The following RPS6KA1 variants were observed in gnomAD, a reference collection of about 807,000 sequenced individuals.
The protein encoded by RPS6KA1 is ribosomal protein S6 kinase alpha-1.
RPS6KA1 carries 48 observed loss-of-function variants against 91.3 expected under a neutral mutation model. The observed-to-expected ratio is 0.53, with a 90% confidence interval of 0.42 to 0.67. RPS6KA1 has a LOEUF of 0.67. Among genes scored for constraint, RPS6KA1 ranks in the 30% least tolerant of loss-of-function variants. The pLI, the probability that RPS6KA1 is intolerant of heterozygous loss-of-function variation, is 0.00. For missense variants in RPS6KA1, 719 were observed against 960.5 expected, an observed-to-expected ratio of 0.75 and a Z score of 3.32; for synonymous variants, 359 against 384.7, an observed-to-expected ratio of 0.93 and a Z score of 0.78.
chr1:26,553,556 G>A, intron 7 of RPS6KA1, 59 bp downstream of exon 7: 1 of 1,120,698 alleles, frequency 8.9e-7, no homozygotes, highest in South Asian at 1.3e-5. Flanking sequence ...TCTAGGACAG[G>A]GCCATCCTGA....
Position 26,574,597 on chromosome 1 carries a change from C to T in RPS6KA1, c.*396C>T, listed in dbSNP as rs1035122894. 6 of 396,548 alleles carry T rather than the reference C, an allele frequency of 1.5e-5. No homozygotes were observed. Among genetic ancestry groups the T allele is most frequent in the African/African-American group, 6.2e-5 (3 of 48,048 alleles). The allele number at this position is 396,548 out of a possible 1,614,324, so 24.6% of individuals were successfully genotyped here. On this transcript the variant is annotated 3_prime_UTR_variant, in exon 22 of 22. Transcript: ENST00000374168. This position sits in a 1 kb window ranked among gnomAD's most constrained non-coding sequence, Gnocchi z 4.3. ...TTTGGGATCCCACCCTGGGGACCCCCACGATTGGCCACCTGTAGCCATCTG... is the reference window on the plus strand; with the variant it reads ...TTTGGGATCCCACCCTGGGGACCCCTACGATTGGCCACCTGTAGCCATCTG...
rs1354937715 is a variant in RPS6KA1 at position 26,571,108 on chromosome 1, G to A, written c.1591-341G>A. On this transcript the variant is annotated intron_variant, in intron 17 of 21. Transcript: ENST00000374168. The surrounding 1 kb of genome is among the most constrained non-coding windows in gnomAD (Gnocchi z 5.1). Reference sequence around the variant, plus strand: ...CTGCACTCCAGCCTGGGTGACAGAGGAAGACTCCATCTCAAAAAAAAAAGA... The same window carrying A: ...CTGCACTCCAGCCTGGGTGACAGAGAAAGACTCCATCTCAAAAAAAAAAGA... The A allele has an allele frequency of 4.9e-6, 1 of 203,260 alleles. No homozygotes were observed. Among genetic ancestry groups the A allele is most frequent in the Non-Finnish European group, 1.0e-5 (1 of 98,776 alleles). The allele number at this position is 203,260 out of a possible 1,614,324, so 12.6% of individuals were successfully genotyped here.
At chr1:26,539,786 C>T (rs188590548) in intron 2 of RPS6KA1, among the ~76,000 whole-genome samples, 27 of 152,314 alleles carry the variant, frequency 1.8e-4, no homozygotes, top group Middle Eastern at 3.4e-3. Context: ...TAAGGCACAC[C>T]GGGGCTCCAT....
At position 26,555,896 on chromosome 1, in the gene RPS6KA1, C is replaced by T. The variant is rs1051844354; in HGVS notation, c.916+271C>T. On this transcript the variant is annotated intron_variant, in intron 11 of 21. Transcript: ENST00000374168. This position sits in a 1 kb window ranked among gnomAD's most constrained non-coding sequence, Gnocchi z 4.3. ...CCACACAGCTTCTCCGCCAAGGCTG[C>T]TGGCACAAGAGAAATAGCATGAGCT... Among the ~76,000 whole-genome samples the T allele has an allele frequency of 1.6e-4, 24 of 152,208 alleles. No homozygotes were observed. Among genetic ancestry groups the T allele is most frequent in the Non-Finnish European group, 3.1e-4 (21 of 68,036 alleles).
intron 2 of RPS6KA1, among the ~76,000 whole-genome samples, chr1:26,543,709 C>T (rs988171890): frequency 1.3e-5 from 2 of 152,170 alleles, no homozygotes; most frequent in African/African-American, 4.8e-5. Context: ...GACCTGCCCA[C>T]ACTTTCCTGG....
At chr1:26,541,005 G>A (rs2075942647) in intron 2 of RPS6KA1, among the ~76,000 whole-genome samples, 1 of 152,064 alleles carries the variant, frequency 6.6e-6, no homozygotes, top group Non-Finnish European at 1.5e-5. Flanking sequence ...GGTCAGGCTG[G>A]TCTCGAACTC....
At chr1:26,570,695 G>T (rs1042157539) in intron 17 of RPS6KA1, among the ~76,000 whole-genome samples, 1 of 152,216 alleles carries the variant, frequency 6.6e-6, no homozygotes, top group African/African-American at 2.4e-5. Context: ...TAAGTGCTGG[G>T]ATACAGCAGT....
chr1:26,530,655 T>G, intron 1 of RPS6KA1: 6 of 936,810 alleles, frequency 6.4e-6, no homozygotes, highest in Non-Finnish European at 8.5e-6. Context: ...TCCCTTCTTA[T>G]GCCCCTTCCG....
intron 17 of RPS6KA1, among the ~76,000 whole-genome samples, chr1:26,570,969 A>G (rs2076244164): frequency 6.6e-6 from 1 of 152,062 alleles, no homozygotes; most frequent in Non-Finnish European, 1.5e-5. Flanking sequence ...CTAAAAATAC[A>G]AAAATCAGCC....
At chr1:26,567,770 G>C (rs952002498) in intron 17 of RPS6KA1, among the ~76,000 whole-genome samples, 1 of 152,134 alleles carries the variant, frequency 6.6e-6, no homozygotes, top group Non-Finnish European at 1.5e-5. Context: ...GGGTTACTGT[G>C]ATGTCCATCA....
In RPS6KA1 at chr1:26,574,458, A is replaced by G. The variant is rs771012101; in HGVS notation, c.*257A>G. ...TTTTTTTATGAAAAAAATGGCATCAACCACCATGGATTTTTACAAGATCCA... is the reference window on the plus strand; with the variant it reads ...TTTTTTTATGAAAAAAATGGCATCAGCCACCATGGATTTTTACAAGATCCA... On this transcript the variant is annotated 3_prime_UTR_variant, in exon 22 of 22. Coordinates refer to ENST00000374168, the MANE Select transcript of RPS6KA1 (RefSeq NM_002953.4). This position sits in a 1 kb window ranked among gnomAD's most constrained non-coding sequence, Gnocchi z 4.3. The G allele has an allele frequency of 3.0e-6, 2 of 665,102 alleles. No homozygotes were observed. 41.2% of individuals were successfully genotyped at this position (665,102 alleles called of 1,614,324 possible). A position where few individuals can be genotyped will look rare whatever the true frequency, so the allele number is the denominator to read the frequency against.
At chr1:26,546,107 A>C in intron 2 of RPS6KA1, 1 of 1,543,872 alleles carries the variant, frequency 6.5e-7, no homozygotes, top group Non-Finnish European at 8.8e-7. Context: ...AGCCAGCTTA[A>C]CATAAGCTGG....
At chr1:26,562,622 A>G (rs1267709997) in intron 17 of RPS6KA1, among the ~76,000 whole-genome samples, 6 of 152,176 alleles carry the variant, frequency 3.9e-5, no homozygotes, top group Non-Finnish European at 8.8e-5. Flanking sequence ...AGGAAAGTTC[A>G]TTACAGTGGA....
chr1:26,549,504 GGTTGCAGT>G (rs1312399509), intron 4 of RPS6KA1, among the ~76,000 whole-genome samples: 3 of 151,810 alleles, frequency 2.0e-5, no homozygotes, highest in African/African-American at 7.3e-5. Context: ...GGGAGGCAAA[GGTTGCAGT>G]GAGCCAAGAT....
At chr1:26,531,495 A>C (rs1570414368) in intron 1 of RPS6KA1, 1 of 152,294 alleles carries the variant, frequency 6.6e-6, no homozygotes, top group South Asian at 2.1e-4. Context: ...GTGGACACCC[A>C]GGAGCTCGAT....
At position 26,574,695 on chromosome 1, in the gene RPS6KA1, C is replaced by T; in HGVS notation, c.*494C>T. 2.9e-6 allele frequency: 1 copy of T among 342,524 alleles called. No homozygotes were observed. Among genetic ancestry groups the T allele is most frequent in the South Asian group, 2.2e-5 (1 of 44,938 alleles). The allele number at this position is 342,524 out of a possible 1,614,324, so 21.2% of individuals were successfully genotyped here. A position where few individuals can be genotyped will look rare whatever the true frequency, so the allele number is the denominator to read the frequency against. ...CTGTTTAGCAGAACTCATTCTATCCCCAATCAGCTCCTTTTCCGTTCTGTT... is the reference window on the plus strand; with the variant it reads ...CTGTTTAGCAGAACTCATTCTATCCTCAATCAGCTCCTTTTCCGTTCTGTT... On this transcript the variant is annotated 3_prime_UTR_variant, in exon 22 of 22. Coordinates refer to ENST00000374168, the MANE Select transcript of RPS6KA1 (RefSeq NM_002953.4). The surrounding 1 kb of genome is among the most constrained non-coding windows in gnomAD (Gnocchi z 4.3).
At chr1:26,560,280 G>A (rs1184532547) in intron 14 of RPS6KA1, among the ~76,000 whole-genome samples, 1 of 152,178 alleles carries the variant, frequency 6.6e-6, no homozygotes, top group Non-Finnish European at 1.5e-5. Flanking sequence ...CATTGCTACG[G>A]CTAATGTCCC....
Position 26,554,277 on chromosome 1 carries a change from G to T in RPS6KA1, c.613+26G>T. 6.4e-7 allele frequency: 1 copy of T among 1,554,200 alleles called. No individual in the cohort carries two copies. The highest frequency in any genetic ancestry group is 2.4e-5 in the East Asian group (1 of 41,412). On this transcript the variant is annotated intron_variant, in intron 8 of 21. Transcript: ENST00000374168. This position sits in a 1 kb window ranked among gnomAD's most constrained non-coding sequence, Gnocchi z 4.6. Reference sequence around the variant, plus strand: ...GTGAGTGGAGGGCGCCTGCCCCCTCGGGACCCAGGGGAGGACAGGACAAGG... The same window carrying T: ...GTGAGTGGAGGGCGCCTGCCCCCTCTGGACCCAGGGGAGGACAGGACAAGG...
chr1:26,557,042 G>A lies in RPS6KA1; in HGVS notation c.1026G>A (p.Val342=). 2 of 1,614,122 alleles carry A rather than the reference G, an allele frequency of 1.2e-6. No individual in the cohort carries two copies. The highest frequency in any genetic ancestry group is 1.7e-6 in the Non-Finnish European group (2 of 1,180,020). The change falls in exon 13 of 22, where the codon GTG becomes GTA. Residue 342 remains valine (V), a synonymous_variant. Coordinates refer to ENST00000374168, the MANE Select transcript of RPS6KA1 (RefSeq NM_002953.4). ...REIKPPFKPA[V]AQPDDTFYFD... ...TCAAGCCACCCTTCAAGCCAGCAGT[G>A]GCTCAGCCTGATGACACCTTCTACT...
Sources: gnomAD v4.1 joint callset for allele counts (sites outside exome capture counted in the v4.1 genomes callset) on GRCh38, gnomAD v4.1.1 for gene constraint, Gnocchi (gnomAD v3.1) non-coding constraint, MANE v1.5 for transcripts, NCBI Gene and HGNC (gene_info 2026-07-23, HGNC 2026-07-21) for gene names.